The following ADCY9 variants were observed in gnomAD, a reference collection of about 807,000 sequenced individuals.
ADCY9 encodes the protein adenylate cyclase type 9.
ADCY9 carries 50 observed loss-of-function variants against 101.5 expected under a neutral mutation model. That is an observed-to-expected ratio of 0.49 (90% CI 0.39 to 0.62). ADCY9 has a LOEUF of 0.62. Among genes scored for constraint, ADCY9 ranks in the 20% least tolerant of loss-of-function variants. The pLI is 0.00. For synonymous variants in ADCY9, 905 were observed against 769.3 expected (o/e 1.18, Z -2.92); for missense variants, 1,662 against 1,800.4 (o/e 0.92, Z 1.39).
At chr16:4,070,110 A>ATG (rs1223476918) in intron 2 of ADCY9, among the ~76,000 whole-genome samples, 1 of 106,204 alleles carries the variant, frequency 9.4e-6, no homozygotes, top group Non-Finnish European at 2.1e-5. Flanking sequence ...AAAAATATGT[A>ATG]TGTGTGTGTA....
At chr16:3,994,573 A>C (rs780880503) in intron 3 of ADCY9, among the ~76,000 whole-genome samples, 1 of 152,204 alleles carries the variant, frequency 6.6e-6, no homozygotes, top group Non-Finnish European at 1.5e-5. Context: ...CTCCTGCCTC[A>C]GCCTCCTGAG....
intron 8 of ADCY9, 78 bp downstream of exon 8, chr16:3,979,038 A>G: frequency 6.4e-7 from 1 of 1,572,658 alleles, no homozygotes; most frequent in Non-Finnish European, 8.7e-7. Context: ...TTAAATTGCT[A>G]TCCCAAGTGA....
chr16:4,027,953 A>T (rs1264598387), intron 2 of ADCY9, among the ~76,000 whole-genome samples: 1 of 151,980 alleles, frequency 6.6e-6, no homozygotes, highest in Admixed American at 6.6e-5. Flanking sequence ...CATGGGAATG[A>T]CCTGCCCCCA....
Position 3,966,518 on chromosome 16 carries a change from T to C in ADCY9, c.3319A>G (p.Ile1107Val). 6.2e-7 allele frequency: 1 copy of C among 1,614,178 alleles called. No individual in the cohort carries two copies. The highest frequency in any genetic ancestry group is 8.5e-7 in the Non-Finnish European group (1 of 1,180,042). Residue 1107 changes from isoleucine to valine, a missense_variant, in exon 11 of 11, where the codon ATC becomes GTC. By Grantham distance (29) the Ile-to-Val change is conservative. Transcript: ENST00000294016. ...SKPDYSSIEK[I>V]KTIGATYMAA... Reference sequence around the variant, plus strand: ...ATGTACGTGGCTCCGATGGTCTTGATCTTCTCGATGCTGCTGTAGTCCGGC... The same window carrying C: ...ATGTACGTGGCTCCGATGGTCTTGACCTTCTCGATGCTGCTGTAGTCCGGC...
Position 3,966,611 on chromosome 16 carries a change from C to T in ADCY9, c.3226G>A (p.Glu1076Lys), listed in dbSNP as rs779278647. ...ACCCGGTAGCACTCCTTGCCGCCCT[C>T]GTAGTTCTCCTCGTAGAACTCGCTG... ...NFSEFYEENY[E>K]GGKECYRVLN... Residue 1076 changes from glutamate to lysine, a missense_variant, in exon 11 of 11, where the codon GAG (glutamate) becomes AAG (lysine). Physicochemically the swap from Glu to Lys is moderately conservative, Grantham distance 56. This residue lies in a region of ADCY9 where 220 missense variants were observed against 312.9 expected (regional missense o/e 0.70). Transcript: ENST00000294016. 20 of 1,614,096 alleles carry T rather than the reference C, an allele frequency of 1.2e-5. No individual in the cohort carries two copies. Among genetic ancestry groups the T allele is most frequent in the East Asian group, 2.2e-5 (1 of 44,900 alleles).
chr16:4,026,380 C>G (rs527724891), intron 2 of ADCY9, among the ~76,000 whole-genome samples: 1 of 144,542 alleles, frequency 6.9e-6, no homozygotes, highest in African/African-American at 2.6e-5. Context: ...GCTGAGATCA[C>G]GCCATTGCAC....
intron 2 of ADCY9, among the ~76,000 whole-genome samples, chr16:4,109,709 C>T (rs2057101495): frequency 6.6e-6 from 1 of 152,144 alleles, no homozygotes; most frequent in African/African-American, 2.4e-5. Context: ...CCACTCAGAT[C>T]CCATCACCTC....
intron 5 of ADCY9, among the ~76,000 whole-genome samples, chr16:3,990,789 T>C (rs957876264): frequency 1.1e-4 from 16 of 152,204 alleles, no homozygotes; most frequent in African/African-American, 3.6e-4. Flanking sequence ...TTAGCTGTGC[T>C]GCTCCATTTA....
intron 2 of ADCY9, among the ~76,000 whole-genome samples, chr16:4,037,248 G>A (rs1359320698): frequency 6.6e-6 from 1 of 152,120 alleles, no homozygotes; most frequent in African/African-American, 2.4e-5. Flanking sequence ...AGCCCAGGAG[G>A]TCAAGGCTGC....
In ADCY9 at chr16:3,966,727, G is replaced by C; in HGVS notation, c.3110C>G (p.Pro1037Arg). The change falls in exon 11 of 11, where the codon CCC becomes CGC. Residue 1037 changes from proline to arginine, a missense_variant. Physicochemically the swap from Pro to Arg is moderately radical, Grantham distance 103. Transcript: ENST00000294016. Reference protein sequence around the residue: ...QADWLLRNIIPYHVAEQLKVS... With the variant: ...QADWLLRNIIRYHVAEQLKVS... Reference sequence around the variant, plus strand: ...CTTCAGCTGCTCAGCCACGTGGTAGGGGATGATGTTCCTCAGCAGCCAGTC... The same window carrying C: ...CTTCAGCTGCTCAGCCACGTGGTAGCGGATGATGTTCCTCAGCAGCCAGTC... 1 of 1,614,212 alleles carries C rather than the reference G, an allele frequency of 6.2e-7. No homozygotes were observed. Among genetic ancestry groups the C allele is most frequent in the Non-Finnish European group, 8.5e-7 (1 of 1,180,042 alleles).
Position 3,965,647 on chromosome 16 carries a change from G to C in ADCY9, c.*128C>G. 1.3e-6 allele frequency: 1 copy of C among 782,548 alleles called. No individual in the cohort carries two copies. The highest frequency in any genetic ancestry group is 2.0e-6 in the Non-Finnish European group (1 of 494,632). 48.5% of individuals were successfully genotyped at this position (782,548 alleles called of 1,614,324 possible). A position where few individuals can be genotyped will look rare whatever the true frequency, so the allele number is the denominator to read the frequency against. ...TAACTGTGATCCACACAGAAGTTAGGGCTGAAATGACCACATAACACCACG... is the reference window on the plus strand; with the variant it reads ...TAACTGTGATCCACACAGAAGTTAGCGCTGAAATGACCACATAACACCACG... On this transcript the variant is annotated 3_prime_UTR_variant, in exon 11 of 11. Coordinates refer to ENST00000294016, the MANE Select transcript of ADCY9 (RefSeq NM_001116.4).
intron 7 of ADCY9, chr16:3,982,072 A>AAG: frequency 6.5e-6 from 1 of 152,786 alleles, no homozygotes; most frequent in South Asian, 2.1e-4. Flanking sequence ...CTGTGCCAGG[A>AAG]AGAGGGCTGC....
chr16:3,993,229 G>T, intron 4 of ADCY9, 177 bp downstream of exon 4: 3 of 1,163,864 alleles, frequency 2.6e-6, no homozygotes, highest in South Asian at 1.6e-5. Context: ...GGTTGCTGCT[G>T]ACCCTCCCTC....
At chr16:4,057,992 C>T (rs571806206) in intron 2 of ADCY9, among the ~76,000 whole-genome samples, 1 of 151,914 alleles carries the variant, frequency 6.6e-6, no homozygotes, top group East Asian at 1.9e-4. Flanking sequence ...AACCCCATCT[C>T]TACTAAAAAT....
intron 3 of ADCY9, among the ~76,000 whole-genome samples, chr16:3,997,674 T>C (rs2056297946): frequency 6.6e-6 from 1 of 152,132 alleles, no homozygotes; most frequent in South Asian, 2.1e-4. Flanking sequence ...AGCAGGTTTG[T>C]CCGGGAAGTG....
chr16:4,010,007 G>A (rs1436449770), intron 2 of ADCY9, among the ~76,000 whole-genome samples: 1 of 152,212 alleles, frequency 6.6e-6, no homozygotes, highest in Non-Finnish European at 1.5e-5. Context: ...TCTGGAGACC[G>A]CAGTCCCCAC....
intron 8 of ADCY9, 30 bp downstream of exon 8, chr16:3,979,086 T>C (rs754597608): frequency 1.9e-6 from 3 of 1,613,028 alleles, no homozygotes; most frequent in South Asian, 2.2e-5. Context: ...CAGGAGAGCG[T>C]GGAAATAAAA....
chr16:4,104,337 G>A (rs55986407), intron 2 of ADCY9, among the ~76,000 whole-genome samples: 22,961 of 152,144 alleles, frequency 0.15, 2,014 homozygotes, highest in African/African-American at 0.24. Flanking sequence ...AGTGCATGAC[G>A]TTATAAAATC....
intron 3 of ADCY9, among the ~76,000 whole-genome samples, chr16:4,001,012 T>C (rs1051436930): frequency 2.1e-3 from 107 of 49,806 alleles, no homozygotes; most frequent in Middle Eastern, 0.012. Context: ...CACACACATA[T>C]ATAATTTCTT....
Sources: allele counts gnomAD v4.1 joint callset (sites outside exome capture counted in the v4.1 genomes callset), GRCh38; gene constraint gnomAD v4.1.1; regional missense constraint gnomAD v4.1.1; transcripts MANE v1.5; gene names NCBI Gene and HGNC (gene_info 2026-07-23, HGNC 2026-07-21).